C12orf42: variants seen among roughly 807,000 people sequenced by gnomAD.
C12orf42 encodes uncharacterized protein C12orf42.
C12orf42 carries 25 observed loss-of-function variants against 21.6 expected under a neutral mutation model. The observed-to-expected ratio is 1.16, with a 90% confidence interval of 0.84 to 1.62. The LOEUF (loss-of-function observed/expected upper bound fraction) is 1.62, where lower values mean the gene tolerates loss of function less well. Among genes scored for constraint, C12orf42 ranks in the 40% most tolerant of loss-of-function variants. The probability of loss-of-function intolerance (pLI) is 0.00; values close to 1 mark genes in which losing one functional copy is unlikely to be tolerated. For missense variants in C12orf42, 483 were observed against 459.3 expected (o/e 1.05, Z -0.47); for synonymous variants, 174 against 175.0 (o/e 0.99, Z 0.05).
At chr12:103,355,204 A>G (rs2043430108) in intron 4 of C12orf42, among the ~76,000 whole-genome samples, 1 of 152,166 alleles carries the variant, frequency 6.6e-6, no homozygotes, top group African/African-American at 2.4e-5. Flanking sequence ...CACTCAGCAC[A>G]TAGCAAGTTG....
At chr12:103,508,802 C>A in the C12orf42 span, among the ~76,000 whole-genome samples, 1 of 152,236 alleles carries the variant, frequency 6.6e-6, no homozygotes, top group Non-Finnish European at 1.5e-5. Context: ...CACTTGCCAA[C>A]TGTGACCTTG....
the C12orf42 span, among the ~76,000 whole-genome samples, chr12:103,218,297 T>C: frequency 4.8e-5 from 7 of 147,150 alleles, no homozygotes; most frequent in African/African-American, 1.3e-4. Flanking sequence ...AAAAAAAAAG[T>C]CTTTCTTTCT....
At chr12:103,265,338 G>A (rs970495589), downstream of C12orf42, among the ~76,000 whole-genome samples, 8 of 152,194 alleles carry the variant, frequency 5.3e-5, no homozygotes, top group South Asian at 6.2e-4. Flanking sequence ...TATATGCTGC[G>A]TACTGTGGTA....
chr12:103,191,700 A>C, the C12orf42 span, among the ~76,000 whole-genome samples: 3 of 149,536 alleles, frequency 2.0e-5, no homozygotes, highest in Non-Finnish European at 3.0e-5. Flanking sequence ...CTGAGATTGC[A>C]CCACTGTACC....
the C12orf42 span, among the ~76,000 whole-genome samples, chr12:103,096,554 A>G: frequency 6.6e-6 from 1 of 152,236 alleles, no homozygotes; most frequent in African/African-American, 2.4e-5. Flanking sequence ...AGTTACAATC[A>G]TATCAAATTA....
the C12orf42 span, among the ~76,000 whole-genome samples, chr12:103,057,451 A>G: frequency 1.3e-5 from 2 of 151,966 alleles, no homozygotes; most frequent in Non-Finnish European, 2.9e-5. Context: ...AACATCCAGT[A>G]TTTGGTTTTC....
At chr12:103,134,696 A>T in the C12orf42 span, among the ~76,000 whole-genome samples, 1 of 152,326 alleles carries the variant, frequency 6.6e-6, no homozygotes, top group South Asian at 2.1e-4. Flanking sequence ...AACCTATTTA[A>T]GAAAAGAGTA....
the C12orf42 span, among the ~76,000 whole-genome samples, chr12:103,171,499 C>T: frequency 6.6e-6 from 1 of 152,074 alleles, no homozygotes; most frequent in Non-Finnish European, 1.5e-5. Flanking sequence ...TATTTTGTAA[C>T]TCTCACAATT....
At chr12:103,473,788 T>C (rs1031501180) in intron 2 of C12orf42, among the ~76,000 whole-genome samples, 1 of 152,190 alleles carries the variant, frequency 6.6e-6, no homozygotes, top group African/African-American at 2.4e-5. Flanking sequence ...GGGAATGCCA[T>C]ATTGTATTTC....
At chr12:103,489,456 C>T (rs558942302) in intron 1 of C12orf42, among the ~76,000 whole-genome samples, 1 of 152,226 alleles carries the variant, frequency 6.6e-6, no homozygotes, top group Non-Finnish European at 1.5e-5. Context: ...GCTCAAACAC[C>T]GTGCTGGGAG....
At chr12:103,073,039 G>A in the C12orf42 span, among the ~76,000 whole-genome samples, 102 of 152,254 alleles carry the variant, frequency 6.7e-4, no homozygotes, top group African/African-American at 2.3e-3. Flanking sequence ...GGACATGGAT[G>A]GAGCTGGAGG....
chr12:103,548,507 T>C, the C12orf42 span, among the ~76,000 whole-genome samples: 1 of 152,184 alleles, frequency 6.6e-6, no homozygotes, highest in African/African-American at 2.4e-5. Context: ...GGTAAAATTA[T>C]GAAAAGGCCA....
intron 2 of C12orf42, among the ~76,000 whole-genome samples, chr12:103,447,863 T>A (rs537265069): frequency 6.6e-6 from 1 of 152,046 alleles, no homozygotes; most frequent in South Asian, 2.1e-4. Flanking sequence ...AAAACGACCA[T>A]ACTGCCAAAA....
the C12orf42 span, among the ~76,000 whole-genome samples, chr12:103,076,867 G>T: frequency 6.6e-6 from 1 of 152,058 alleles, no homozygotes; most frequent in Non-Finnish European, 1.5e-5. Flanking sequence ...GATACAAAAA[G>T]GTTAATTAAA....
chr12:103,276,253 AC>A (rs2035766280), intron 5 of C12orf42, among the ~76,000 whole-genome samples: 1 of 152,162 alleles, frequency 6.6e-6, no homozygotes, highest in Admixed American at 6.5e-5. Flanking sequence ...TCTACCAAAA[AC>A]CTACAGCAAG....
intron 3 of C12orf42, among the ~76,000 whole-genome samples, chr12:103,384,050 G>A (rs901970505): frequency 5.3e-5 from 8 of 152,096 alleles, no homozygotes; most frequent in South Asian, 2.1e-4. Flanking sequence ...TGACTCCAGC[G>A]TTTTGAATGG....
intron 4 of C12orf42, among the ~76,000 whole-genome samples, chr12:103,316,658 TA>T (rs935883368): frequency 3.3e-5 from 5 of 152,182 alleles, no homozygotes; most frequent in African/African-American, 1.2e-4. Context: ...TTTCCTGCTT[TA>T]TTTTTATTTG....
At chr12:103,057,609 C>A in the C12orf42 span, among the ~76,000 whole-genome samples, 2 of 152,062 alleles carry the variant, frequency 1.3e-5, no homozygotes, top group Non-Finnish European at 2.9e-5. Context: ...CATTGATGGG[C>A]ATTTGGGTTG....
intron 2 of C12orf42, among the ~76,000 whole-genome samples, chr12:103,416,231 T>TA (rs5800588): frequency 0.62 from 91,646 of 148,760 alleles, 29,128 homozygotes; most frequent in Admixed American, 0.72. Context: ...TAATGTAGGT[T>TA]AAAAAAAAAG....
Sources: allele counts gnomAD v4.1 joint callset (sites outside exome capture counted in the v4.1 genomes callset), GRCh38; gene constraint gnomAD v4.1.1; transcripts MANE v1.5; gene names NCBI Gene and HGNC (gene_info 2026-07-23, HGNC 2026-07-21).